Variants in KCNH7 observed in about 807,000 individuals in gnomAD.
KCNH7 encodes the protein voltage-gated inwardly rectifying potassium channel KCNH7.
KCNH7 carries 49 observed loss-of-function variants against 120.8 expected under a neutral mutation model. The observed-to-expected ratio is 0.41, with a 90% confidence interval of 0.32 to 0.51. KCNH7 has a LOEUF of 0.51. Among genes scored for constraint, KCNH7 ranks in the 20% least tolerant of loss-of-function variants. The pLI is 0.38. For synonymous variants in KCNH7, 547 were observed against 516.1 expected (o/e 1.06, Z -0.81); for missense variants, 1,097 against 1,446.6 (o/e 0.76, Z 3.92).
At chr2:162,801,227 T>C (rs1330825449) in intron 2 of KCNH7, among the ~76,000 whole-genome samples, 1 of 151,304 alleles carries the variant, frequency 6.6e-6, no homozygotes, top group Admixed American at 6.6e-5. Context: ...AACAAAGATA[T>C]TAGTGGGGAT....
At chr2:162,675,348 G>T (rs923573879) in intron 2 of KCNH7, among the ~76,000 whole-genome samples, 9 of 151,358 alleles carry the variant, frequency 5.9e-5, no homozygotes, top group Non-Finnish European at 1.2e-4. Flanking sequence ...TGGATTTAAA[G>T]GAAGCCCATG....
intron 2 of KCNH7, among the ~76,000 whole-genome samples, chr2:162,625,628 A>AT (rs1683526750): frequency 6.6e-6 from 1 of 152,170 alleles, no homozygotes; most frequent in African/African-American, 2.4e-5. Flanking sequence ...AAATATCAAT[A>AT]TAAGAGTCTT....
At chr2:162,413,116 C>T (rs745606857) in intron 9 of KCNH7, among the ~76,000 whole-genome samples, 1 of 151,906 alleles carries the variant, frequency 6.6e-6, no homozygotes, top group Non-Finnish European at 1.5e-5. Context: ...TATAAAACTG[C>T]TAAACACAAA....
chr2:162,560,647 A>G (rs1693029605), intron 2 of KCNH7, among the ~76,000 whole-genome samples: 1 of 152,254 alleles, frequency 6.6e-6, no homozygotes, highest in African/African-American at 2.4e-5. Flanking sequence ...AAGTATGAAA[A>G]TGAATTAGAT....
intron 2 of KCNH7, among the ~76,000 whole-genome samples, chr2:162,655,534 C>A (rs537539409): frequency 2.6e-5 from 4 of 152,164 alleles, no homozygotes; most frequent in Admixed American, 1.3e-4. Context: ...CGCCTGTAAT[C>A]CCAGCACTTT....
At chr2:162,701,436 T>G (rs955409389) in intron 2 of KCNH7, among the ~76,000 whole-genome samples, 33 of 152,086 alleles carry the variant, frequency 2.2e-4, no homozygotes, top group Non-Finnish European at 8.8e-5. Flanking sequence ...TGTCAAAAAT[T>G]TATCTCAGTT....
chr2:162,416,095 AAGAAT>A (rs1175452676), intron 9 of KCNH7, among the ~76,000 whole-genome samples: 1 of 152,166 alleles, frequency 6.6e-6, no homozygotes, highest in African/African-American at 2.4e-5. Flanking sequence ...ATTAAATATT[AAGAAT>A]AGCTCATAGG....
chr2:162,834,469 A>C (rs1685584679), intron 2 of KCNH7, among the ~76,000 whole-genome samples: 1 of 151,952 alleles, frequency 6.6e-6, no homozygotes, highest in South Asian at 2.1e-4. Flanking sequence ...GTTACATCTG[A>C]AAATGAAGTC....
intron 2 of KCNH7, among the ~76,000 whole-genome samples, chr2:162,649,248 CT>C (rs879489546): frequency 4.6e-5 from 7 of 151,876 alleles, no homozygotes; most frequent in East Asian, 1.9e-4. Context: ...GCACCAAAAC[CT>C]TTTTTTTGTA....
At chr2:162,769,620 T>C (rs1170109896) in intron 2 of KCNH7, among the ~76,000 whole-genome samples, 1 of 152,018 alleles carries the variant, frequency 6.6e-6, no homozygotes, top group East Asian at 1.9e-4. Flanking sequence ...CCAACTGAAT[T>C]GTATATACTA....
At chr2:162,577,121 T>G (rs1693696280) in intron 2 of KCNH7, among the ~76,000 whole-genome samples, 1 of 151,894 alleles carries the variant, frequency 6.6e-6, no homozygotes, top group Non-Finnish European at 1.5e-5. Context: ...GGTCTTGCTC[T>G]GTTGTTCAGG....
intron 6 of KCNH7, among the ~76,000 whole-genome samples, chr2:162,463,811 G>T (rs1378902423): frequency 7.0e-6 from 1 of 143,348 alleles, no homozygotes; most frequent in Non-Finnish European, 1.5e-5. Flanking sequence ...TAACAAAAAA[G>T]TAAAAAAAAA....
chr2:162,588,412 A>AT (rs1694092549), intron 2 of KCNH7, among the ~76,000 whole-genome samples: 1 of 152,124 alleles, frequency 6.6e-6, no homozygotes, highest in Non-Finnish European at 1.5e-5. Flanking sequence ...TGATTAATAT[A>AT]TTACTATGTT....
At chr2:162,546,542 G>A (rs1001668945) in intron 2 of KCNH7, among the ~76,000 whole-genome samples, 1 of 152,066 alleles carries the variant, frequency 6.6e-6, no homozygotes, top group Non-Finnish European at 1.5e-5. Context: ...AGGTCAAGCC[G>A]CAGTGAGAAT....
At chr2:162,526,130 C>T (rs771116388) in intron 3 of KCNH7, among the ~76,000 whole-genome samples, 1 of 151,748 alleles carries the variant, frequency 6.6e-6, no homozygotes, top group African/African-American at 2.4e-5. Flanking sequence ...CGTGATGCCC[C>T]CTGAGCTGTA....
intron 12 of KCNH7, among the ~76,000 whole-genome samples, chr2:162,389,363 T>C (rs1686673886): frequency 1.3e-5 from 2 of 152,008 alleles, no homozygotes; most frequent in African/African-American, 2.4e-5. Flanking sequence ...TTGCTAAGGC[T>C]AAGAAAAATT....
At chr2:162,552,923 T>C (rs1455988882) in intron 2 of KCNH7, among the ~76,000 whole-genome samples, 1 of 152,168 alleles carries the variant, frequency 6.6e-6, no homozygotes, top group African/African-American at 2.4e-5. Context: ...TTCAGCCTTG[T>C]AACACCCTGA....
chr2:162,648,761 C>G (rs1389758095), intron 2 of KCNH7, among the ~76,000 whole-genome samples: 1 of 151,898 alleles, frequency 6.6e-6, no homozygotes, highest in East Asian at 1.9e-4. Context: ...CTATCTAGAC[C>G]TTTACCACCC....
rs573818850 is a variant in KCNH7, at chr2:162,576,228, T to C, written c.308-39148A>G. Among the ~76,000 whole-genome samples, 79 of 152,242 alleles carry C rather than the reference T, an allele frequency of 5.2e-4. 3 individuals are homozygous for C. The South Asian group carries it at 0.016, about 31-fold the overall frequency. ...CTAACATTTGGTTTGTTAAACTTTT[T>C]TTCTTTGACACTATTTGAGGCTAAA... On this transcript the variant is annotated intron_variant, in intron 2 of 15. Transcript: ENST00000332142.
Sources: allele counts gnomAD v4.1 joint callset (sites outside exome capture counted in the v4.1 genomes callset), GRCh38; gene constraint gnomAD v4.1.1; transcripts MANE v1.5; gene names NCBI Gene and HGNC (gene_info 2026-07-23, HGNC 2026-07-21).